The following CNTN1 variants were observed in gnomAD, a reference collection of about 807,000 sequenced individuals.
CNTN1 encodes contactin 1.
CNTN1 carries 38 observed loss-of-function variants against 126.4 expected under a neutral mutation model. The observed-to-expected ratio is 0.30, with a 90% CI of 0.23 to 0.39. The LOEUF (loss-of-function observed/expected upper bound fraction) is 0.39. Among genes scored for constraint, CNTN1 ranks in the 10% least tolerant of loss-of-function variants. CNTN1 has a pLI of 1.00. For synonymous variants in CNTN1, 413 were observed against 422.6 expected (o/e 0.98, Z 0.28); for missense variants, 1,009 against 1,248.4 (o/e 0.81, Z 2.89).
chr12:40,869,315 G>A (rs1226563199), intron 1 of CNTN1, among the ~76,000 whole-genome samples: 1 of 150,904 alleles, frequency 6.6e-6, no homozygotes, highest in African/African-American at 2.4e-5. Context: ...CACCCAGGCT[G>A]GAGTGCAGTG....
intron 9 of CNTN1, among the ~76,000 whole-genome samples, chr12:40,936,086 T>TAGTC (rs1317582961): frequency 6.6e-6 from 1 of 152,094 alleles, no homozygotes; most frequent in African/African-American, 2.4e-5. Flanking sequence ...TGTCAAATTG[T>TAGTC]TTATTTGCTT....
At chr12:40,897,037 A>T (rs979461626) in intron 1 of CNTN1, among the ~76,000 whole-genome samples, 1 of 152,244 alleles carries the variant, frequency 6.6e-6, no homozygotes, top group African/African-American at 2.4e-5. Flanking sequence ...TGGAGTACAT[A>T]TATCTTAACT....
At chr12:40,994,731 C>G (rs185904029) in intron 17 of CNTN1, among the ~76,000 whole-genome samples, 3 of 152,028 alleles carry the variant, frequency 2.0e-5, no homozygotes, top group East Asian at 3.9e-4. Context: ...GAAAAGCAAA[C>G]ACTAGTGTTC....
At chr12:41,052,674 G>A (rs1949714508) in intron 23 of CNTN1, among the ~76,000 whole-genome samples, 1 of 151,854 alleles carries the variant, frequency 6.6e-6, no homozygotes, top group East Asian at 1.9e-4. Flanking sequence ...AAAGAACCTG[G>A]CAAACCATTT....
At chr12:40,740,696 A>G (rs1016586027) in intron 1 of CNTN1, among the ~76,000 whole-genome samples, 3 of 152,076 alleles carry the variant, frequency 2.0e-5, no homozygotes, top group Non-Finnish European at 4.4e-5. Context: ...TGTAGCTTCC[A>G]TAATCCCCAC....
intron 1 of CNTN1, among the ~76,000 whole-genome samples, chr12:40,830,828 T>C (rs1351631015): frequency 2.7e-5 from 3 of 112,934 alleles, no homozygotes; most frequent in Admixed American, 9.9e-5. Context: ...TATATATATA[T>C]ATATATACTC....
intron 17 of CNTN1, among the ~76,000 whole-genome samples, chr12:40,993,927 C>G (rs1192485326): frequency 6.6e-6 from 1 of 151,912 alleles, no homozygotes; most frequent in Non-Finnish European, 1.5e-5. Flanking sequence ...TCACCATTAC[C>G]CCGTGGAACC....
intron 1 of CNTN1, among the ~76,000 whole-genome samples, chr12:40,719,841 G>T (rs1407301751): frequency 2.0e-5 from 3 of 150,402 alleles, no homozygotes; most frequent in African/African-American, 4.9e-5. Context: ...GTGGCTTTCT[G>T]TTTTTTTTTC....
At chr12:41,065,006 A>G (rs184553034) in intron 23 of CNTN1, among the ~76,000 whole-genome samples, 2 of 152,260 alleles carry the variant, frequency 1.3e-5, no homozygotes, top group African/African-American at 4.8e-5. Flanking sequence ...ACTGTTCCCA[A>G]TATATCCTTG....
At chr12:40,701,372 C>G (rs1408887260) in intron 1 of CNTN1, among the ~76,000 whole-genome samples, 2 of 152,082 alleles carry the variant, frequency 1.3e-5, no homozygotes, top group African/African-American at 4.8e-5. Context: ...TGCATTTCTG[C>G]CCTAATTTTG....
At chr12:40,712,797 G>A (rs1479690424) in intron 1 of CNTN1, among the ~76,000 whole-genome samples, 7 of 151,998 alleles carry the variant, frequency 4.6e-5, no homozygotes, top group Admixed American at 2.0e-4. Flanking sequence ...ATATGCTATC[G>A]TTTGGATGTT....
At chr12:40,922,549 G>T in intron 5 of CNTN1, 121 bp downstream of exon 5, 1 of 867,322 alleles carries the variant, frequency 1.2e-6, no homozygotes, top group Non-Finnish European at 1.9e-6. Context: ...TACAAGATGA[G>T]TGGACCCTAA....
intron 1 of CNTN1, among the ~76,000 whole-genome samples, chr12:40,835,404 A>G (rs1942010993): frequency 6.6e-6 from 1 of 152,182 alleles, no homozygotes; most frequent in Non-Finnish European, 1.5e-5. Flanking sequence ...AGATAATTAC[A>G]TGGTTTCTTA....
chr12:40,819,207 T>C (rs1015360053), intron 1 of CNTN1, among the ~76,000 whole-genome samples: 1 of 152,150 alleles, frequency 6.6e-6, no homozygotes, highest in Non-Finnish European at 1.5e-5. Context: ...ACTTTATCCC[T>C]TGGTGGAAAG....
intron 14 of CNTN1, among the ~76,000 whole-genome samples, chr12:40,949,560 CTTTTCTTTCTTTTTTTTTTTTTT>C (rs1204867412): frequency 2.8e-5 from 3 of 107,866 alleles, no homozygotes; most frequent in Admixed American, 9.4e-5. Flanking sequence ...TTCTTCTTTT[CTTTTCTTTCTTTTTTTTTTTTTT>C]TTTTTTTTTT....
chr12:40,933,344 T>G, intron 7 of CNTN1, 117 bp from the exon 8 acceptor site: 1 of 766,358 alleles, frequency 1.3e-6, no homozygotes, highest in South Asian at 1.4e-5. Context: ...GACCTGTACC[T>G]GTACAGAGAA....
intron 1 of CNTN1, among the ~76,000 whole-genome samples, chr12:40,715,465 T>A (rs913024450): frequency 3.3e-5 from 5 of 152,160 alleles, no homozygotes; most frequent in African/African-American, 1.2e-4. Flanking sequence ...TAATTTTTTT[T>A]ATTAATTGGT....
At chr12:41,053,976 C>T (rs1436967815) in intron 23 of CNTN1, among the ~76,000 whole-genome samples, 2 of 151,588 alleles carry the variant, frequency 1.3e-5, no homozygotes, top group Admixed American at 6.6e-5. Context: ...TTGTAAAACA[C>T]TAATCAATAT....
In CNTN1 at chr12:41,069,698, G is replaced by C. The variant is rs577565330; in HGVS notation, c.2981-261G>C. ...AGGAATTTGGGACTGCTGGATCATA[G>C]GGACAGCATACACATTTGTGATCAT... On this transcript the variant is annotated intron_variant, in intron 23 of 23. Coordinates refer to ENST00000551295, the MANE Select transcript of CNTN1 (RefSeq NM_001843.4). Among the ~76,000 whole-genome samples, 9 of 151,692 alleles carry C rather than the reference G, an allele frequency of 5.9e-5. 1 individual carries two copies. The highest frequency in any genetic ancestry group is 1.9e-4 in the African/African-American group (8 of 41,318).
Sources: allele counts gnomAD v4.1 joint callset (sites outside exome capture counted in the v4.1 genomes callset), GRCh38; gene constraint gnomAD v4.1.1; transcripts MANE v1.5; gene names NCBI Gene and HGNC (gene_info 2026-07-23, HGNC 2026-07-21).